The following SHANK2 variants were observed in gnomAD, a reference collection of about 807,000 sequenced individuals.
The protein encoded by SHANK2 is SH3 and multiple ankyrin repeat domains protein 2.
Under a neutral mutation model 133.7 loss-of-function variants are expected in SHANK2, and 43 were observed. That is an observed-to-expected ratio of 0.32 (90% CI 0.25 to 0.41). SHANK2 has a LOEUF of 0.41. Ranked by LOEUF, SHANK2 falls within the 10% of genes least tolerant of loss-of-function variation. The pLI, the probability that SHANK2 is intolerant of heterozygous loss-of-function variation, is 1.00. For missense variants in SHANK2, 1,994 were observed against 2,235.8 expected (o/e 0.89, Z 2.18); for synonymous variants, 1,017 against 952.8 (o/e 1.07, Z -1.24).
intron 6 of SHANK2, among the ~76,000 whole-genome samples, chr11:71,103,871 C>T (rs868915017): frequency 2.0e-4 from 25 of 126,146 alleles, no homozygotes; most frequent in Middle Eastern, 4.0e-3. Context: ...TCTCCCTCTC[C>T]CCCCCTCTTT....
intron 17 of SHANK2, among the ~76,000 whole-genome samples, chr11:70,653,680 T>C (rs889552646): frequency 1.3e-5 from 2 of 152,124 alleles, no homozygotes; most frequent in Non-Finnish European, 2.9e-5. Context: ...GTTGTGACAG[T>C]AGCAGAATCA....
At chr11:71,218,547 G>GC (rs1476436831) in intron 2 of SHANK2, among the ~76,000 whole-genome samples, 1 of 152,140 alleles carries the variant, frequency 6.6e-6, no homozygotes, top group African/African-American at 2.4e-5. Flanking sequence ...ACAGGTGTGA[G>GC]CCCCCGGGAC....
chr11:70,783,521 C>T (rs782108991), intron 14 of SHANK2, among the ~76,000 whole-genome samples: 7 of 152,150 alleles, frequency 4.6e-5, no homozygotes, highest in East Asian at 3.9e-4. Flanking sequence ...GCACAGCACA[C>T]GCCAATCCTG....
Position 70,896,511 on chromosome 11 carries a change from T to G in SHANK2, c.1164A>C (p.Glu388Asp). Residue 388 changes from glutamate (E) to aspartate (D), a missense_variant, in exon 11 of 26, where the codon GAA (glutamate) becomes GAC (aspartate). This residue lies in a region of SHANK2 where 653 missense variants were observed against 563.4 expected (regional missense o/e 1.16). Transcript: ENST00000601538. ...ELAEYIKNHKETDIVPFREAP... is the reference protein window; with the variant it reads ...ELAEYIKNHKDTDIVPFREAP... ...CACGTGCCTACTCACCAATGTCTGT[T>G]TCCTTGTGGTTCTTGATGTATTCTG... 1.4e-6 allele frequency: 1 copy of G among 718,434 alleles called. No homozygotes were observed. The highest frequency in any genetic ancestry group is 2.6e-6 in the Non-Finnish European group (1 of 384,706). 44.5% of individuals were successfully genotyped at this position (718,434 alleles called of 1,614,324 possible). A position where few individuals can be genotyped will look rare whatever the true frequency, so the allele number is the denominator to read the frequency against.
chr11:70,915,139 C>T (rs1950252057), intron 10 of SHANK2, among the ~76,000 whole-genome samples: 1 of 152,174 alleles, frequency 6.6e-6, no homozygotes, highest in South Asian at 2.1e-4. Flanking sequence ...TGCTGGCTTG[C>T]GGGACACGTT....
At chr11:70,861,790 A>G (rs1349844440) in intron 11 of SHANK2, among the ~76,000 whole-genome samples, 1 of 152,206 alleles carries the variant, frequency 6.6e-6, no homozygotes, top group Non-Finnish European at 1.5e-5. Context: ...AAGGCAGGGA[A>G]TAAGCCAGAC....
At chr11:70,644,523 G>A (rs1179529923) in intron 17 of SHANK2, among the ~76,000 whole-genome samples, 3 of 152,216 alleles carry the variant, frequency 2.0e-5, no homozygotes, top group Admixed American at 6.5e-5. Flanking sequence ...TGGGGTGGAC[G>A]CAGCGACAGG....
intron 17 of SHANK2, among the ~76,000 whole-genome samples, chr11:70,538,332 GGC>G (rs1422965974): frequency 6.6e-6 from 1 of 152,268 alleles, no homozygotes; most frequent in Non-Finnish European, 1.5e-5. Context: ...GGGGATCTGA[GGC>G]CACCGCCTTT....
intron 8 of SHANK2, among the ~76,000 whole-genome samples, chr11:71,089,824 C>G (rs1427155225): frequency 6.6e-6 from 1 of 152,206 alleles, no homozygotes; most frequent in Admixed American, 6.5e-5. Context: ...AGGCCTGACA[C>G]TGACACACAG....
chr11:70,508,079 AG>A (rs1233848490), intron 17 of SHANK2, among the ~76,000 whole-genome samples: 1 of 152,208 alleles, frequency 6.6e-6, no homozygotes, highest in Non-Finnish European at 1.5e-5. Flanking sequence ...TCTATCATAC[AG>A]GCCCAGGACA....
rs185187765 is a variant in SHANK2, at chr11:70,509,305, C to T, written c.2062-6374G>A. On this transcript the variant is annotated intron_variant, in intron 17 of 25. Coordinates refer to ENST00000601538, the MANE Select transcript of SHANK2 (RefSeq NM_012309.5). The stretch of plus-strand genomic sequence containing the variant: ...CCCATGCAGTGGCACAGGTCTCCAG[C>T]GCTGCCCAATGTGAGCAGACACTGA... 4.8e-4 allele frequency among the ~76,000 whole-genome samples: 73 copies of T among 152,380 alleles called. No homozygotes were observed. The East Asian group carries it at 5.0e-3, about 10-fold the overall frequency.
rs576897195 is a variant in SHANK2 at position 71,183,341 on chromosome 11, G to A, written c.-12-36003C>T. ...CTGTGGGTGAAACTCACTCTCCCCC[G>A]GGTGAGCAGAGAGGGGCTCCTATCA... is the stretch of plus-strand genomic sequence containing the variant. On this transcript the variant is annotated intron_variant, in intron 2 of 25. Transcript: ENST00000601538. Among the ~76,000 whole-genome samples the A allele has an allele frequency of 4.6e-5, 7 of 152,220 alleles. No homozygotes were observed. In the East Asian group the frequency reaches 7.7e-4, roughly 17 times the overall value.
At chr11:70,831,342 C>T (rs1948721871) in intron 11 of SHANK2, among the ~76,000 whole-genome samples, 1 of 152,144 alleles carries the variant, frequency 6.6e-6, no homozygotes, top group African/African-American at 2.4e-5. Context: ...GCTCTGAAGT[C>T]AGAGTTTCCA....
intron 10 of SHANK2, among the ~76,000 whole-genome samples, chr11:70,912,870 T>A (rs1247269310): frequency 6.6e-6 from 1 of 152,180 alleles, no homozygotes; most frequent in Non-Finnish European, 1.5e-5. Context: ...AATTAACAAT[T>A]TCATTAAAGT....
At chr11:71,131,095 G>C (rs1952295502) in intron 3 of SHANK2, among the ~76,000 whole-genome samples, 2 of 152,256 alleles carry the variant, frequency 1.3e-5, no homozygotes, top group Non-Finnish European at 2.9e-5. Context: ...GTCTTTGATA[G>C]CTGTTCACGT....
At chr11:70,823,498 ATTGG>A (rs1948583579) in intron 11 of SHANK2, among the ~76,000 whole-genome samples, 1 of 84,446 alleles carries the variant, frequency 1.2e-5, no homozygotes, top group African/African-American at 4.7e-5. Flanking sequence ...CAGAGGTGGC[ATTGG>A]CAGAACTCAT....
intron 11 of SHANK2, among the ~76,000 whole-genome samples, chr11:70,866,874 A>G (rs1434053348): frequency 7.9e-5 from 12 of 152,084 alleles, no homozygotes; most frequent in African/African-American, 2.9e-4. Context: ...CAGGAGCTTC[A>G]TGACGGCCCT....
chr11:70,945,474 C>T (rs910006323), intron 10 of SHANK2, among the ~76,000 whole-genome samples: 16 of 152,300 alleles, frequency 1.1e-4, no homozygotes, highest in South Asian at 2.1e-4. Context: ...CGCTGAGCTC[C>T]GACGGCTTCC....
intron 17 of SHANK2, among the ~76,000 whole-genome samples, chr11:70,652,371 C>T (rs539367224): frequency 2.0e-5 from 3 of 152,168 alleles, no homozygotes; most frequent in Non-Finnish European, 4.4e-5. Context: ...CCTGTGACTG[C>T]TACATGCTTC....
Sources: allele counts gnomAD v4.1 joint callset (sites outside exome capture counted in the v4.1 genomes callset), GRCh38; gene constraint gnomAD v4.1.1; regional missense constraint gnomAD v4.1.1; transcripts MANE v1.5; gene names NCBI Gene and HGNC (gene_info 2026-07-23, HGNC 2026-07-21).